The following OR2A2 variants were observed in gnomAD, a reference collection of about 807,000 sequenced individuals.
OR2A2 encodes olfactory receptor 2A2.
For missense variants in OR2A2, 380 were observed against 384.8 expected (o/e 0.99, Z 0.10); for synonymous variants, 163 against 154.8 (o/e 1.05, Z -0.40).
rs750337811 is a variant in OR2A2 at position 144,109,947 on chromosome 7, A to G, written c.365A>G (p.Tyr122Cys). ...LILVVMSYDRYVAICHPFQYT... is the reference protein window; with the variant it reads ...LILVVMSYDRCVAICHPFQYT... ...TTGGTGGTGATGTCCTATGATAGGT[A>G]TGTGGCCATCTGCCACCCTTTCCAG... Residue 122 changes from tyrosine (Y) to cysteine (C), a missense_variant, in exon 1 of 1, where the codon TAT becomes TGT. Coordinates refer to ENST00000408979, the MANE Select transcript of OR2A2 (RefSeq NM_001005480.2). The G allele has an allele frequency of 2.5e-5, 40 of 1,613,692 alleles. No individual in the cohort carries two copies. Among genetic ancestry groups the G allele is most frequent in the Non-Finnish European group, 3.2e-5 (38 of 1,179,766 alleles).
chr7:144,109,920 T>C lies in OR2A2; in HGVS notation c.338T>C (p.Ile113Thr), dbSNP rs902782083. Reference sequence around the variant, plus strand: ...GCTTTTGCTGTTACAGAGTGCCTGATTTTGGTGGTGATGTCCTATGATAGG... The same window carrying C: ...GCTTTTGCTGTTACAGAGTGCCTGACTTTGGTGGTGATGTCCTATGATAGG... ...YLAFAVTECL[I>T]LVVMSYDRYV... is the part of the protein sequence containing the mutation. The change falls in exon 1 of 1, where the codon ATT becomes ACT. Residue 113 changes from isoleucine to threonine, a missense_variant. Transcript: ENST00000408979. 1 of 1,613,904 alleles carries C rather than the reference T, an allele frequency of 6.2e-7. No homozygotes were observed. The highest frequency in any genetic ancestry group is 8.5e-7 in the Non-Finnish European group (1 of 1,179,898).
Position 144,109,894 on chromosome 7 carries a change from G to A in OR2A2, c.312G>A (p.Leu104=), listed in dbSNP as rs61734820. 66 of 1,613,646 alleles carry A rather than the reference G, an allele frequency of 4.1e-5. No homozygotes were observed. The highest frequency in any genetic ancestry group is 5.5e-5 in the Non-Finnish European group (65 of 1,179,840). The change falls in exon 1 of 1, where the codon TTG becomes TTA. Residue 104 remains leucine, a synonymous_variant. Coordinates refer to ENST00000408979, the MANE Select transcript of OR2A2 (RefSeq NM_001005480.2). ...VPCIMQTFLY[L]AFAVTECLIL... The stretch of plus-strand genomic sequence containing the variant: ...GCATAATGCAGACTTTTTTGTATTT[G>A]GCTTTTGCTGTTACAGAGTGCCTGA...
At position 144,110,207 on chromosome 7, in the gene OR2A2, C is replaced by A. The variant is rs762018470; in HGVS notation, c.625C>A (p.Pro209Thr). The A allele has an allele frequency of 7.4e-6, 12 of 1,614,052 alleles. No homozygotes were observed. The South Asian group carries it at 1.3e-4, about 18-fold the overall frequency. ...TACCTGTGTGTTTGTCTTAGTCGGG[C>A]CTCTTTCCTTGATTCTGGTCTCCTA... ...FATCVFVLVGPLSLILVSYMH... is the reference protein window; with the variant it reads ...FATCVFVLVGTLSLILVSYMH... Residue 209 changes from proline to threonine, a missense_variant, in exon 1 of 1, where the codon CCT becomes ACT. Coordinates refer to ENST00000408979, the MANE Select transcript of OR2A2 (RefSeq NM_001005480.2).
rs1222964006 is a variant in OR2A2 at position 144,110,506 on chromosome 7, G to A, written c.924G>A (p.Arg308=). 1 of 1,612,462 alleles carries A rather than the reference G, an allele frequency of 6.2e-7. No individual in the cohort carries two copies. Among genetic ancestry groups the A allele is most frequent in the Admixed American group, 1.7e-5 (1 of 59,932 alleles). The change falls in exon 1 of 1, where the codon AGG becomes AGA. Residue 308 remains arginine (R), a synonymous_variant. Coordinates refer to ENST00000408979, the MANE Select transcript of OR2A2 (RefSeq NM_001005480.2). The part of the protein sequence containing the change: ...GALHRALQRK[R]SMRTVYGLCL ...TCCACAGAGCACTCCAGAGGAAGAG[G>A]TCCATGAGAACGGTGTATGGGCTTT...
Position 144,110,314 on chromosome 7 carries a change from G to A in OR2A2, c.732G>A (p.Leu244=), listed in dbSNP as rs777247940. ...IKAFSTCSSH[L]CVVGLFFGIA... The stretch of plus-strand genomic sequence containing the variant: ...CCTTCTCCACCTGCTCCTCCCACCT[G>A]TGTGTGGTTGGACTATTCTTTGGCA... Residue 244 remains leucine (L), a synonymous_variant, in exon 1 of 1, where the codon CTG becomes CTA. Transcript: ENST00000408979. 7 of 1,613,586 alleles carry A rather than the reference G, an allele frequency of 4.3e-6. No individual in the cohort carries two copies. The East Asian group carries it at 1.1e-4, about 26-fold the overall frequency.
In OR2A2 at chr7:144,109,716, T is replaced by C. The variant is rs369233921; in HGVS notation, c.134T>C (p.Phe45Ser). The C allele has an allele frequency of 3.7e-6, 6 of 1,613,918 alleles. No homozygotes were observed. In the African/African-American group the frequency reaches 6.7e-5, roughly 18 times the overall value. The change falls in exon 1 of 1, where the codon TTT becomes TCT. Residue 45 changes from phenylalanine to serine, a missense_variant. Physicochemically the swap from Phe to Ser is radical, Grantham distance 155. Coordinates refer to ENST00000408979, the MANE Select transcript of OR2A2 (RefSeq NM_001005480.2). Reference protein sequence around the residue: ...TLTLLGNGVIFGIICLDSKLH... With the variant: ...TLTLLGNGVISGIICLDSKLH... ...ACCCTGCTGGGGAATGGGGTCATCT[T>C]TGGGATTATCTGCCTGGACTCTAAG...
Position 144,109,735 on chromosome 7 carries a change from C to A in OR2A2, c.153C>A (p.Asp51Glu), listed in dbSNP as rs745915480. Residue 51 changes from aspartate (D) to glutamate (E), a missense_variant, in exon 1 of 1, where the codon GAC becomes GAA. Physicochemically the swap from Asp to Glu is conservative, Grantham distance 45. Transcript: ENST00000408979. ...NGVIFGIICL[D>E]SKLHTPMYFF... ...TCATCTTTGGGATTATCTGCCTGGA[C>A]TCTAAGCTTCACACACCCATGTACT... is the stretch of plus-strand genomic sequence containing the variant. 1 of 1,614,066 alleles carries A rather than the reference C, an allele frequency of 6.2e-7. No individual in the cohort carries two copies. Among genetic ancestry groups the A allele is most frequent in the South Asian group, 1.1e-5 (1 of 91,086 alleles).
At position 144,110,525 on chromosome 7, in the gene OR2A2, G is replaced by T; in HGVS notation, c.943G>T (p.Gly315Trp). The T allele has an allele frequency of 6.3e-7, 1 of 1,575,636 alleles. No homozygotes were observed. The highest frequency in any genetic ancestry group is 8.6e-7 in the Non-Finnish European group (1 of 1,158,862). ...GAAGAGGTCCATGAGAACGGTGTAT[G>T]GGCTTTGCCTTTAAAACATGTGGTT... ...QRKRSMRTVY[G>W]LCL Residue 315 changes from glycine to tryptophan, a missense_variant, in exon 1 of 1, where the codon GGG (glycine) becomes TGG (tryptophan). Physicochemically the swap from Gly to Trp is radical, Grantham distance 184. Coordinates refer to ENST00000408979, the MANE Select transcript of OR2A2 (RefSeq NM_001005480.2).
In OR2A2 at chr7:144,110,358, T is replaced by G. The variant is rs1586908891; in HGVS notation, c.776T>G (p.Met259Arg). 3 of 1,614,118 alleles carry G rather than the reference T, an allele frequency of 1.9e-6. No individual in the cohort carries two copies. Among genetic ancestry groups the G allele is most frequent in the Middle Eastern group, 3.3e-4 (2 of 6,062 alleles). ...TTTGGCATAGCCATGGTGGTTTACA[T>G]GGTCCCAGACTCTAATCAACGAGAG... Reference protein sequence around the residue: ...LFFGIAMVVYMVPDSNQREEQ... With the variant: ...LFFGIAMVVYRVPDSNQREEQ... The change falls in exon 1 of 1, where the codon ATG becomes AGG. Residue 259 changes from methionine to arginine, a missense_variant. Met to Arg is a moderately conservative substitution (Grantham distance 91, BLOSUM62 -1). Transcript: ENST00000408979.
chr7:144,110,272 G>A lies in OR2A2; in HGVS notation c.690G>A (p.Lys230=). 1 of 1,613,868 alleles carries A rather than the reference G, an allele frequency of 6.2e-7. No individual in the cohort carries two copies. The part of the protein sequence containing the change: ...ILGAILKIQT[K]EGRIKAFSTC... ...GGGCCATCCTGAAGATCCAGACAAA[G>A]GAGGGCCGCATAAAGGCCTTCTCCA... The change falls in exon 1 of 1, where the codon AAG becomes AAA. Residue 230 remains lysine (K), a synonymous_variant. Coordinates refer to ENST00000408979, the MANE Select transcript of OR2A2 (RefSeq NM_001005480.2).
Position 144,110,263 on chromosome 7 carries a change from C to G in OR2A2, c.681C>G (p.Ile227Met), listed in dbSNP as rs2051360736. ...ACATCCTCGGGGCCATCCTGAAGAT[C>G]CAGACAAAGGAGGGCCGCATAAAGG... Reference protein sequence around the residue: ...YMHILGAILKIQTKEGRIKAF... With the variant: ...YMHILGAILKMQTKEGRIKAF... Residue 227 changes from isoleucine to methionine, a missense_variant, in exon 1 of 1, where the codon ATC (isoleucine) becomes ATG (methionine). By Grantham distance (10) the Ile-to-Met change is conservative. Coordinates refer to ENST00000408979, the MANE Select transcript of OR2A2 (RefSeq NM_001005480.2). 2 of 1,613,978 alleles carry G rather than the reference C, an allele frequency of 1.2e-6. No homozygotes were observed. The highest frequency in any genetic ancestry group is 1.7e-5 in the Admixed American group (1 of 59,984).
chr7:144,109,885 T>G lies in OR2A2; in HGVS notation c.303T>G (p.Phe101Leu), dbSNP rs749324500. Residue 101 changes from phenylalanine to leucine, a missense_variant, in exon 1 of 1, where the codon TTT (phenylalanine) becomes TTG (leucine). By Grantham distance (22) the Phe-to-Leu change is conservative (BLOSUM62 0). Transcript: ENST00000408979. ...ISFVPCIMQT[F>L]LYLAFAVTEC... Reference sequence around the variant, plus strand: ...TTGTTCCATGCATAATGCAGACTTTTTTGTATTTGGCTTTTGCTGTTACAG... The same window carrying G: ...TTGTTCCATGCATAATGCAGACTTTGTTGTATTTGGCTTTTGCTGTTACAG... The G allele has an allele frequency of 1.2e-6, 2 of 1,613,962 alleles. No individual in the cohort carries two copies. Among genetic ancestry groups the G allele is most frequent in the African/African-American group, 2.7e-5 (2 of 74,912 alleles).
chr7:144,110,390 G>A lies in OR2A2; in HGVS notation c.808G>A (p.Glu270Lys), dbSNP rs765579556. ...VPDSNQREEQ[E>K]KMLSLFHSVF... is the part of the protein sequence containing the mutation. ...AGACTCTAATCAACGAGAGGAGCAG[G>A]AGAAAATGCTGTCCCTGTTTCACAG... Residue 270 changes from glutamate to lysine, a missense_variant, in exon 1 of 1, where the codon GAG (glutamate) becomes AAG (lysine). Coordinates refer to ENST00000408979, the MANE Select transcript of OR2A2 (RefSeq NM_001005480.2). The A allele has an allele frequency of 9.3e-6, 15 of 1,613,862 alleles. No individual in the cohort carries two copies. Among genetic ancestry groups the A allele is most frequent in the Non-Finnish European group, 1.0e-5 (12 of 1,179,920 alleles).
chr7:144,110,268 C>T lies in OR2A2; in HGVS notation c.686C>T (p.Thr229Ile). ...HILGAILKIQ[T>I]KEGRIKAFST... The stretch of plus-strand genomic sequence containing the variant: ...CTCGGGGCCATCCTGAAGATCCAGA[C>T]AAAGGAGGGCCGCATAAAGGCCTTC... The change falls in exon 1 of 1, where the codon ACA becomes ATA. Residue 229 changes from threonine to isoleucine, a missense_variant. Coordinates refer to ENST00000408979, the MANE Select transcript of OR2A2 (RefSeq NM_001005480.2). The T allele has an allele frequency of 6.2e-7, 1 of 1,614,010 alleles. No individual in the cohort carries two copies. The highest frequency in any genetic ancestry group is 8.5e-7 in the Non-Finnish European group (1 of 1,179,908).
In OR2A2 at chr7:144,109,636, T is replaced by A. The variant is rs772194886; in HGVS notation, c.54T>A (p.Val18=). The part of the protein sequence containing the change: ...ITDITLLGFQ[V]GPALAILLCG... ...ACATCACCCTGCTGGGATTCCAGGTTGGTCCAGCACTGGCGATTCTCCTCT... is the reference window on the plus strand; with the variant it reads ...ACATCACCCTGCTGGGATTCCAGGTAGGTCCAGCACTGGCGATTCTCCTCT... The change falls in exon 1 of 1, where the codon GTT becomes GTA. Residue 18 remains valine (V), a synonymous_variant. Coordinates refer to ENST00000408979, the MANE Select transcript of OR2A2 (RefSeq NM_001005480.2). 1.2e-6 allele frequency: 2 copies of A among 1,613,826 alleles called. No individual in the cohort carries two copies. The highest frequency in any genetic ancestry group is 2.2e-5 in the East Asian group (1 of 44,856).
chr7:144,109,732 G>A lies in OR2A2; in HGVS notation c.150G>A (p.Leu50=), dbSNP rs771981451. The A allele has an allele frequency of 1.9e-6, 3 of 1,613,844 alleles. No homozygotes were observed. Among genetic ancestry groups the A allele is most frequent in the Admixed American group, 1.7e-5 (1 of 59,964 alleles). Residue 50 remains leucine, a synonymous_variant, in exon 1 of 1, where the codon CTG becomes CTA. Coordinates refer to ENST00000408979, the MANE Select transcript of OR2A2 (RefSeq NM_001005480.2). ...GNGVIFGIIC[L]DSKLHTPMYF... ...GGGTCATCTTTGGGATTATCTGCCTGGACTCTAAGCTTCACACACCCATGT... is the reference window on the plus strand; with the variant it reads ...GGGTCATCTTTGGGATTATCTGCCTAGACTCTAAGCTTCACACACCCATGT...
In OR2A2 at chr7:144,110,030, T is replaced by C. The variant is rs1408628046; in HGVS notation, c.448T>C (p.Cys150Arg). Residue 150 changes from cysteine (C) to arginine (R), a missense_variant, in exon 1 of 1, where the codon TGT (cysteine) becomes CGT (arginine). Physicochemically the swap from Cys to Arg is radical, Grantham distance 180 (BLOSUM62 -3). Coordinates refer to ENST00000408979, the MANE Select transcript of OR2A2 (RefSeq NM_001005480.2). ...CTILVLTSWS[C>R]GFALSLVHEI... Reference sequence around the variant, plus strand: ...GATCCTGGTTCTCACGTCCTGGTCATGTGGGTTTGCCCTGTCCCTGGTACA... The same window carrying C: ...GATCCTGGTTCTCACGTCCTGGTCACGTGGGTTTGCCCTGTCCCTGGTACA... 6 of 1,613,884 alleles carry C rather than the reference T, an allele frequency of 3.7e-6. No individual in the cohort carries two copies. The highest frequency in any genetic ancestry group is 4.2e-6 in the Non-Finnish European group (5 of 1,179,972).
chr7:144,110,034 G>A lies in OR2A2; in HGVS notation c.452G>A (p.Gly151Glu). 6.2e-7 allele frequency: 1 copy of A among 1,613,962 alleles called. No homozygotes were observed. The highest frequency in any genetic ancestry group is 8.5e-7 in the Non-Finnish European group (1 of 1,179,936). ...CTGGTTCTCACGTCCTGGTCATGTGGGTTTGCCCTGTCCCTGGTACATGAA... is the reference window on the plus strand; with the variant it reads ...CTGGTTCTCACGTCCTGGTCATGTGAGTTTGCCCTGTCCCTGGTACATGAA... ...TILVLTSWSCGFALSLVHEIL... is the reference protein window; with the variant it reads ...TILVLTSWSCEFALSLVHEIL... Residue 151 changes from glycine (G) to glutamate (E), a missense_variant, in exon 1 of 1, where the codon GGG becomes GAG. Gly to Glu is a moderately conservative substitution (Grantham distance 98). Transcript: ENST00000408979.
rs778089727 is a variant in OR2A2 at position 144,109,971 on chromosome 7, A to G, written c.389A>G (p.Gln130Arg). ...TATGTGGCCATCTGCCACCCTTTCC[A>G]GTACACTGTCATCATGAGCTGGAGA... is the stretch of plus-strand genomic sequence containing the variant. ...DRYVAICHPF[Q>R]YTVIMSWRVC... is the part of the protein sequence containing the mutation. Residue 130 changes from glutamine (Q) to arginine (R), a missense_variant, in exon 1 of 1, where the codon CAG becomes CGG. By Grantham distance (43) the Gln-to-Arg change is conservative. Coordinates refer to ENST00000408979, the MANE Select transcript of OR2A2 (RefSeq NM_001005480.2). 2 of 1,613,886 alleles carry G rather than the reference A, an allele frequency of 1.2e-6. No individual in the cohort carries two copies. The highest frequency in any genetic ancestry group is 2.2e-5 in the South Asian group (2 of 91,082).
Sources: allele counts gnomAD v4.1 joint callset, GRCh38; gene constraint gnomAD v4.1.1; transcripts MANE v1.5; gene names NCBI Gene and HGNC (gene_info 2026-07-23, HGNC 2026-07-21).